DNAH3: variants seen among roughly 807,000 people sequenced by gnomAD.
DNAH3 encodes the protein dynein axonemal heavy chain 3, also known as axonemal beta dynein heavy chain 3.
In DNAH3, 332 loss-of-function variants were observed where a neutral mutation model predicts 432.5. The ratio of observed to expected loss-of-function variants is 0.77; its 90% CI spans 0.70 to 0.84. The LOEUF (loss-of-function observed/expected upper bound fraction) is 0.84. Among genes scored for constraint, DNAH3 ranks in the 40% least tolerant of loss-of-function variants. DNAH3 has a pLI of 0.00. For missense variants in DNAH3, 4,861 were observed against 5,114.0 expected (o/e 0.95, Z 1.51); for synonymous variants, 1,956 against 1,900.2 (o/e 1.03, Z -0.76).
chr16:21,141,190 T>G, intron 4 of DNAH3, 110 bp downstream of exon 5: 1 of 799,330 alleles, frequency 1.3e-6, no homozygotes, highest in Non-Finnish European at 2.0e-6. Flanking sequence ...AAGAATATGA[T>G]TATCTGGGAA....
chr16:21,154,473 G>T (rs1597506584), intron 1 of DNAH3, among the ~76,000 whole-genome samples: 1 of 152,074 alleles, frequency 6.6e-6, no homozygotes, highest in Non-Finnish European at 1.5e-5. Context: ...GTGAGTAGGA[G>T]GTATGCTACC....
chr16:21,069,660 G>C (rs1487006749), intron 22 of DNAH3, 66 bp from the exon 23 acceptor site: 3 of 1,348,618 alleles, frequency 2.2e-6, no homozygotes, highest in Admixed American at 2.1e-5. Context: ...CCCATGGAGA[G>C]AGCAAATGGA....
chr16:21,085,527 C>CAAAAAAAAAAAAA (rs34136946), intron 19 of DNAH3, among the ~76,000 whole-genome samples: 1 of 81,324 alleles, frequency 1.2e-5, no homozygotes, highest in African/African-American at 4.7e-5. Context: ...GATTCCACCT[C>CAAAAAAAAAAAAA]AAAAAAAAAA....
chr16:20,987,741 G>C, exon 46 of DNAH3: 1 of 1,614,176 alleles, frequency 6.2e-7, no homozygotes, highest in Non-Finnish European at 8.5e-7. Flanking sequence ...TCACTCGTGA[G>C]AAGTCCCGCA....
At chr16:20,937,882 G>A (rs927610698) in intron 59 of DNAH3, among the ~76,000 whole-genome samples, 4 of 152,098 alleles carry the variant, frequency 2.6e-5, no homozygotes, top group Non-Finnish European at 5.9e-5. Flanking sequence ...CTGAAGGGCA[G>A]CCTGGGAGAT....
At chr16:21,032,014 G>A (rs1015917380) in intron 36 of DNAH3, among the ~76,000 whole-genome samples, 11 of 146,828 alleles carry the variant, frequency 7.5e-5, no homozygotes, top group Non-Finnish European at 1.2e-4. Flanking sequence ...CAGCCTGGGC[G>A]ACAGAGTAAG....
intron 19 of DNAH3, among the ~76,000 whole-genome samples, chr16:21,086,272 T>C (rs927042139): frequency 2.0e-5 from 3 of 152,192 alleles, no homozygotes; most frequent in African/African-American, 7.2e-5. Context: ...CCCTCACACT[T>C]GGTTCCTTAT....
intron 1 of DNAH3, among the ~76,000 whole-genome samples, chr16:21,152,369 T>TC (rs2092862015): frequency 6.6e-6 from 1 of 152,258 alleles, no homozygotes; most frequent in African/African-American, 2.4e-5. Context: ...AACCTACCTG[T>TC]CCAGAACACA....
chr16:21,086,129 A>G (rs1485312361), intron 19 of DNAH3, among the ~76,000 whole-genome samples: 1 of 152,132 alleles, frequency 6.6e-6, no homozygotes, highest in Admixed American at 6.5e-5. Flanking sequence ...AGCCATTTTC[A>G]CTTCTAATTC....
chr16:21,138,644 C>G (rs1236007198), intron 5 of DNAH3, among the ~76,000 whole-genome samples: 1 of 152,130 alleles, frequency 6.6e-6, no homozygotes, highest in African/African-American at 2.4e-5. Flanking sequence ...AACCCCATCT[C>G]TACTAAAATA....
At chr16:20,964,326 G>A (rs184257639) in exon 53 of DNAH3, 35 of 1,614,118 alleles carry the variant, frequency 2.2e-5, no homozygotes, top group South Asian at 1.2e-4. Context: ...AGACCTTCAC[G>A]GCAACTTCTG....
At position 21,143,348 on chromosome 16, in the gene DNAH3, A is replaced by G. The variant is rs77125383; in HGVS notation, c.448+1833T>C. 1.9e-4 allele frequency among the ~76,000 whole-genome samples: 29 copies of G among 152,054 alleles called. No homozygotes were observed. The South Asian group carries it at 5.6e-3, about 30-fold the overall frequency. ...CTTATGAATGAGATTGTGCCTTTAT[A>G]AAAAAAACAGCAAAAAGATTTCTCA... On this transcript the variant is annotated intron_variant, in intron 3 of 61. Coordinates refer to ENST00000261383, the Ensembl canonical transcript of DNAH3.
At chr16:21,130,202 T>A (rs112934476) in intron 7 of DNAH3, 3 of 151,606 alleles carry the variant, frequency 2.0e-5, no homozygotes, top group African/African-American at 7.3e-5. Context: ...TGACACCTCC[T>A]AGAACTATTG....
chr16:21,014,654 ACTGT>A lies in DNAH3; in HGVS notation c.6022+4966_6022+4969del, dbSNP rs907516188. Among the ~76,000 whole-genome samples, 16 of 151,558 alleles carry A rather than the reference ACTGT, an allele frequency of 1.1e-4. 1 individual carries two copies. The highest frequency in any genetic ancestry group is 2.9e-4 in the African/African-American group (12 of 41,290). On this transcript the variant is annotated intron_variant, in intron 41 of 61. Coordinates refer to ENST00000261383, the Ensembl canonical transcript of DNAH3. ...AAAATATTGGGAAGGAAGAAATAAAACTGTCTGTCAGTGGCATAATTATGTAAAA... is the reference window on the plus strand; with the variant it reads ...AAAATATTGGGAAGGAAGAAATAAAACTGTCAGTGGCATAATTATGTAAAA...
chr16:21,155,621 C>CA (rs369001374), intron 1 of DNAH3, among the ~76,000 whole-genome samples: 34,691 of 76,328 alleles, frequency 0.45, 7,499 homozygotes, highest in East Asian at 0.62. Context: ...GACTCCGTCT[C>CA]AAAAAAAAAA....
At chr16:21,033,536 A>G (rs991581382) in intron 36 of DNAH3, among the ~76,000 whole-genome samples, 5 of 152,174 alleles carry the variant, frequency 3.3e-5, no homozygotes, top group Non-Finnish European at 7.4e-5. Flanking sequence ...AGGAGCTCCT[A>G]TCCTTGACTT....
At chr16:20,980,704 T>TAA (rs1203879130) in intron 49 of DNAH3, among the ~76,000 whole-genome samples, 1 of 152,132 alleles carries the variant, frequency 6.6e-6, no homozygotes, top group Non-Finnish European at 1.5e-5. Context: ...TAAAAATGCA[T>TAA]AAAATAAAAC....
chr16:21,040,253 T>C (rs984671933), intron 32 of DNAH3, among the ~76,000 whole-genome samples: 1 of 150,734 alleles, frequency 6.6e-6, no homozygotes, highest in Non-Finnish European at 1.5e-5. Context: ...GGACACCTCA[T>C]AGCATCACTC....
intron 23 of DNAH3, 55 bp from the exon 24 acceptor site, chr16:21,067,474 T>A: frequency 6.3e-7 from 1 of 1,597,344 alleles, no homozygotes; most frequent in South Asian, 1.1e-5. Flanking sequence ...GTTCTGAGAT[T>A]GGTCATTGTA....
Sources: allele counts gnomAD v4.1 joint callset (sites outside exome capture counted in the v4.1 genomes callset), GRCh38; gene constraint gnomAD v4.1.1; transcripts MANE v1.5; gene names NCBI Gene and HGNC (gene_info 2026-07-23, HGNC 2026-07-21).